The following ATXN7L1 variants were observed in gnomAD, a reference collection of about 807,000 sequenced individuals.
ATXN7L1 encodes ataxin 7 like 1.
In ATXN7L1, 15 loss-of-function variants were observed where a neutral mutation model predicts 70.8. The observed-to-expected ratio is 0.21, with a 90% confidence interval of 0.14 to 0.33. The LOEUF (loss-of-function observed/expected upper bound fraction) is 0.33, where lower values mean the gene tolerates loss of function less well. Ranked by LOEUF, ATXN7L1 falls within the 10% of genes least tolerant of loss-of-function variation. The pLI, the probability that ATXN7L1 is intolerant of heterozygous loss-of-function variation, is 1.00. For missense variants in ATXN7L1, 975 were observed against 1,097.1 expected (o/e 0.89, Z 1.57); for synonymous variants, 440 against 445.1 (o/e 0.99, Z 0.14).
At chr7:105,647,759 C>G (rs552782440) in intron 4 of ATXN7L1, among the ~76,000 whole-genome samples, 24 of 152,352 alleles carry the variant, frequency 1.6e-4, no homozygotes, top group Non-Finnish European at 3.4e-4. Flanking sequence ...TAAGGCAGCC[C>G]CACGAGCACA....
intron 3 of ATXN7L1, among the ~76,000 whole-genome samples, chr7:105,680,567 C>T (rs764604030): frequency 6.6e-5 from 10 of 152,200 alleles, no homozygotes; most frequent in Non-Finnish European, 1.5e-4. Flanking sequence ...AAACTGACCA[C>T]CCATCTGACC....
chr7:105,610,476 C>G, intron 11 of ATXN7L1, 53 bp downstream of exon 11: 1 of 1,437,458 alleles, frequency 7.0e-7, no homozygotes, highest in Non-Finnish European at 9.6e-7. Flanking sequence ...ACTCTTTCCA[C>G]TCTGCTGATG....
At position 105,869,421 on chromosome 7, in the gene ATXN7L1, C is replaced by T. The variant is rs1464762200; in HGVS notation, c.250+6391G>A. Among the ~76,000 whole-genome samples, 3 of 152,220 alleles carry T rather than the reference C, an allele frequency of 2.0e-5. No individual in the cohort carries two copies. In the South Asian group the frequency reaches 6.2e-4, roughly 32 times the overall value. On this transcript the variant is annotated intron_variant, in intron 2 of 11. Coordinates refer to ENST00000419735, the MANE Select transcript of ATXN7L1 (RefSeq NM_020725.2). ...ATAAAGGGAAGCTGTTCGCAGTTTC[C>T]CATAAATCTCCATGGCCTGCTGCTG...
intron 2 of ATXN7L1, among the ~76,000 whole-genome samples, chr7:105,805,948 G>A (rs919367971): frequency 2.6e-5 from 4 of 152,154 alleles, no homozygotes; most frequent in Non-Finnish European, 4.4e-5. Flanking sequence ...AGCAGTGATC[G>A]GGTGTTTGTT....
intron 3 of ATXN7L1, among the ~76,000 whole-genome samples, chr7:105,728,905 T>C (rs1451207805): frequency 6.6e-6 from 1 of 152,174 alleles, no homozygotes; most frequent in Non-Finnish European, 1.5e-5. Flanking sequence ...TAAAGTAGTA[T>C]TGGATTATAA....
At chr7:105,748,696 G>A (rs1798855637) in intron 3 of ATXN7L1, among the ~76,000 whole-genome samples, 1 of 152,096 alleles carries the variant, frequency 6.6e-6, no homozygotes. Context: ...GAGGCTTGGG[G>A]CTTTTGCACT....
chr7:105,613,813 T>TC (rs1427434204), intron 10 of ATXN7L1, 49 bp downstream of exon 10: 2 of 1,551,304 alleles, frequency 1.3e-6, no homozygotes, highest in Non-Finnish European at 8.7e-7. Context: ...GCTGCCCAGC[T>TC]CCCCCTGCCC....
intron 4 of ATXN7L1, among the ~76,000 whole-genome samples, chr7:105,656,615 C>T (rs1248298428): frequency 6.7e-6 from 1 of 148,596 alleles, no homozygotes; most frequent in African/African-American, 2.5e-5. Context: ...CTGTCACCCA[C>T]ACTGGAGTGC....
At chr7:105,671,298 T>A (rs998233466) in intron 3 of ATXN7L1, among the ~76,000 whole-genome samples, 19 of 141,390 alleles carry the variant, frequency 1.3e-4, no homozygotes, top group African/African-American at 2.6e-4. Context: ...AAAAAAAAAA[T>A]TTATTTAAAA....
chr7:105,641,034 A>G (rs1210932615), intron 5 of ATXN7L1, among the ~76,000 whole-genome samples: 2 of 152,198 alleles, frequency 1.3e-5, no homozygotes, highest in Non-Finnish European at 2.9e-5. Flanking sequence ...ATTATACCAT[A>G]ATAAATGAAT....
chr7:105,759,763 T>G (rs1283753992), intron 3 of ATXN7L1, among the ~76,000 whole-genome samples: 1 of 152,226 alleles, frequency 6.6e-6, no homozygotes, highest in Admixed American at 6.5e-5. Flanking sequence ...GTGTATTTTC[T>G]TATTCTCTGA....
chr7:105,773,930 C>T (rs982731724), intron 3 of ATXN7L1, among the ~76,000 whole-genome samples: 31 of 152,032 alleles, frequency 2.0e-4, no homozygotes, highest in African/African-American at 7.0e-4. Flanking sequence ...TGTGGGGCAC[C>T]GGGGAGGGCA....
chr7:105,847,916 A>G (rs1814307156), intron 2 of ATXN7L1, among the ~76,000 whole-genome samples: 2 of 152,176 alleles, frequency 1.3e-5, no homozygotes, highest in African/African-American at 4.8e-5. Flanking sequence ...GGAAATTTCT[A>G]TTTTCCTAGC....
chr7:105,716,763 C>G (rs1794613736), intron 3 of ATXN7L1, among the ~76,000 whole-genome samples: 1 of 148,244 alleles, frequency 6.7e-6, no homozygotes, highest in South Asian at 2.1e-4. Context: ...ACCTGTAGTC[C>G]CAGCTACTTG....
At chr7:105,836,518 A>T (rs1812410868) in intron 2 of ATXN7L1, among the ~76,000 whole-genome samples, 1 of 152,154 alleles carries the variant, frequency 6.6e-6, no homozygotes, top group Non-Finnish European at 1.5e-5. Flanking sequence ...AGAAGCGGGG[A>T]AGGAAAAGTA....
chr7:105,848,140 G>A (rs917701762), intron 2 of ATXN7L1, among the ~76,000 whole-genome samples: 1 of 152,184 alleles, frequency 6.6e-6, no homozygotes, highest in Non-Finnish European at 1.5e-5. Flanking sequence ...CAAAGCTAAC[G>A]AAATGTTCAA....
At chr7:105,719,180 G>T (rs995469242) in intron 3 of ATXN7L1, among the ~76,000 whole-genome samples, 1 of 152,172 alleles carries the variant, frequency 6.6e-6, no homozygotes, top group Non-Finnish European at 1.5e-5. Flanking sequence ...CTGGATGGGT[G>T]AGGGGAGCAT....
intron 2 of ATXN7L1, among the ~76,000 whole-genome samples, chr7:105,864,364 A>G (rs2116662082): frequency 1.4e-5 from 2 of 146,656 alleles, no homozygotes. Flanking sequence ...AGTCTGAGGT[A>G]GAAGGATCGC....
intron 3 of ATXN7L1, among the ~76,000 whole-genome samples, chr7:105,766,864 C>A (rs112240656): frequency 6.6e-6 from 1 of 152,366 alleles, no homozygotes; most frequent in African/African-American, 2.4e-5. Context: ...GCCATCACTT[C>A]ATCCCAGTCT....
Sources: allele counts gnomAD v4.1 joint callset (sites outside exome capture counted in the v4.1 genomes callset), GRCh38; gene constraint gnomAD v4.1.1; transcripts MANE v1.5; gene names NCBI Gene and HGNC (gene_info 2026-07-23, HGNC 2026-07-21).